SIL1: variants seen among roughly 807,000 people sequenced by gnomAD.
SIL1 encodes nucleotide exchange factor SIL1.
SIL1 carries 40 observed loss-of-function variants against 49.1 expected under a neutral mutation model. The observed-to-expected ratio is 0.81, with a 90% CI of 0.63 to 1.06. The LOEUF (loss-of-function observed/expected upper bound fraction) is 1.06. SIL1 is among the 50% of genes least tolerant of loss of function. The probability of loss-of-function intolerance (pLI) is 0.00; values close to 1 mark genes in which losing one functional copy is unlikely to be tolerated. For synonymous variants in SIL1, 253 were observed against 250.8 expected (o/e 1.01, Z -0.08); for missense variants, 500 against 572.6 (o/e 0.87, Z 1.29).
At chr5:139,021,944 C>A (rs1472005547) in intron 6 of SIL1, 1 of 159,430 alleles carries the variant, frequency 6.3e-6, no homozygotes, top group African/African-American at 2.4e-5. Flanking sequence ...CAGTGCAGAA[C>A]ATTTCTATCA....
At chr5:139,011,855 A>T (rs935042556) in intron 7 of SIL1, among the ~76,000 whole-genome samples, 3 of 151,956 alleles carry the variant, frequency 2.0e-5, no homozygotes, top group East Asian at 1.9e-4. Flanking sequence ...ACTACGTTTT[A>T]AAAAAAACCT....
At chr5:139,111,574 C>A (rs1268598066) in intron 3 of SIL1, among the ~76,000 whole-genome samples, 2 of 152,174 alleles carry the variant, frequency 1.3e-5, no homozygotes, top group Non-Finnish European at 2.9e-5. Context: ...AAGTGAGCAA[C>A]CTCTGTCATG....
At chr5:139,039,598 C>T (rs2150443696) in intron 5 of SIL1, among the ~76,000 whole-genome samples, 1 of 152,214 alleles carries the variant, frequency 6.6e-6, no homozygotes, top group South Asian at 2.1e-4. Flanking sequence ...GATGTCATTC[C>T]CCAAGCTCCA....
At chr5:139,079,484 C>T (rs1423796280) in intron 3 of SIL1, among the ~76,000 whole-genome samples, 2 of 152,156 alleles carry the variant, frequency 1.3e-5, no homozygotes, top group Non-Finnish European at 2.9e-5. Flanking sequence ...GCCATCTCCA[C>T]AATTGAAAGG....
Position 138,970,913 on chromosome 5 carries a change from C to CA in SIL1, c.768-19030dup, listed in dbSNP as rs200118284. On this transcript the variant is annotated intron_variant, in intron 7 of 9. Transcript: ENST00000394817. ...AGCCTGGGCAACAAAGAGCAAAACT[C>CA]AAAAAAAAAAAAAGAATTCCAGAGA... is the stretch of plus-strand genomic sequence containing the variant. 6.3e-3 allele frequency among the ~76,000 whole-genome samples: 827 copies of CA among 132,256 alleles called. 8 individuals carry two copies. Among genetic ancestry groups the CA allele is most frequent in the East Asian group, 0.034 (156 of 4,636 alleles). 86.8% of individuals were successfully genotyped at this position (132,256 alleles called of 152,430 possible).
At chr5:139,112,078 CG>C (rs1770862048) in intron 3 of SIL1, among the ~76,000 whole-genome samples, 1 of 152,184 alleles carries the variant, frequency 6.6e-6, no homozygotes, top group South Asian at 2.1e-4. Context: ...AGCTCCTAAC[CG>C]CGAGTGATCC....
intron 1 of SIL1, among the ~76,000 whole-genome samples, chr5:139,178,503 C>T (rs1450114074): frequency 6.6e-6 from 1 of 152,086 alleles, no homozygotes; most frequent in African/African-American, 2.4e-5. Context: ...ACTCTCTGTG[C>T]TCCAACCATA....
At chr5:138,967,399 T>C (rs1420463399) in intron 7 of SIL1, among the ~76,000 whole-genome samples, 1 of 152,190 alleles carries the variant, frequency 6.6e-6, no homozygotes, top group African/African-American at 2.4e-5. Flanking sequence ...AGAGTATCCC[T>C]GGACAGATAA....
At chr5:138,949,728 T>C (rs1766718614) in intron 9 of SIL1, among the ~76,000 whole-genome samples, 1 of 148,828 alleles carries the variant, frequency 6.7e-6, no homozygotes, top group African/African-American at 2.5e-5. Flanking sequence ...GGAGGATCAC[T>C]TGAGTCTGGG....
intron 3 of SIL1, among the ~76,000 whole-genome samples, chr5:139,077,360 G>A (rs991417239): frequency 3.9e-5 from 6 of 151,978 alleles, no homozygotes; most frequent in East Asian, 3.8e-4. Flanking sequence ...GAATAAAACC[G>A]TGATATATAT....
chr5:139,151,234 G>A (rs963296554), intron 1 of SIL1, among the ~76,000 whole-genome samples: 3 of 152,112 alleles, frequency 2.0e-5, no homozygotes, highest in Non-Finnish European at 2.9e-5. Flanking sequence ...CAAATAGACT[G>A]AGGACAGAGG....
At chr5:139,095,415 C>T (rs767142831) in intron 3 of SIL1, among the ~76,000 whole-genome samples, 10 of 152,086 alleles carry the variant, frequency 6.6e-5, no homozygotes, top group Non-Finnish European at 1.2e-4. Context: ...GCGTGCGCCA[C>T]CATACCCAGC....
intron 1 of SIL1, among the ~76,000 whole-genome samples, chr5:139,157,065 C>A (rs547506632): frequency 6.6e-6 from 1 of 152,296 alleles, no homozygotes; most frequent in South Asian, 2.1e-4. Context: ...GCAATCAGCA[C>A]TGACAGCTCC....
At chr5:139,066,414 T>C (rs1769705796) in intron 3 of SIL1, among the ~76,000 whole-genome samples, 1 of 152,090 alleles carries the variant, frequency 6.6e-6, no homozygotes. Context: ...TGGAGTACAG[T>C]GGTGCAGTCA....
At chr5:139,093,258 T>C (rs575309230) in intron 3 of SIL1, among the ~76,000 whole-genome samples, 16 of 152,294 alleles carry the variant, frequency 1.1e-4, no homozygotes, top group African/African-American at 3.6e-4. Context: ...CTCCTCAAAC[T>C]TGGATATCCC....
At chr5:139,024,695 C>T (rs1768605508) in intron 6 of SIL1, among the ~76,000 whole-genome samples, 1 of 152,242 alleles carries the variant, frequency 6.6e-6, no homozygotes, top group South Asian at 2.1e-4. Context: ...CTGGTCTCTG[C>T]TTCTACCAAG....
chr5:138,967,998 C>A (rs957779621), intron 7 of SIL1, among the ~76,000 whole-genome samples: 1 of 152,136 alleles, frequency 6.6e-6, no homozygotes, highest in Non-Finnish European at 1.5e-5. Context: ...GGTGTTCCTG[C>A]AACCTTTGAT....
At chr5:139,148,916 C>G (rs1315307630) in intron 1 of SIL1, among the ~76,000 whole-genome samples, 2 of 152,198 alleles carry the variant, frequency 1.3e-5, no homozygotes, top group African/African-American at 4.8e-5. Context: ...TCTCACTGCT[C>G]AGGGATCCCT....
chr5:139,072,672 C>G (rs1218173751), intron 3 of SIL1, among the ~76,000 whole-genome samples: 1 of 151,926 alleles, frequency 6.6e-6, no homozygotes, highest in Non-Finnish European at 1.5e-5. Flanking sequence ...TAGATTTGAC[C>G]CCTAAAAGCA....
Sources: allele counts gnomAD v4.1 joint callset (sites outside exome capture counted in the v4.1 genomes callset), GRCh38; gene constraint gnomAD v4.1.1; transcripts MANE v1.5; gene names NCBI Gene and HGNC (gene_info 2026-07-23, HGNC 2026-07-21).